The following CADPS2 variants were observed in gnomAD, a reference collection of about 807,000 sequenced individuals.
The protein encoded by CADPS2 is calcium-dependent secretion activator 2.
A neutral mutation model predicts 172.5 loss-of-function variants in CADPS2; 93 were observed. That is an observed-to-expected ratio of 0.54 (90% CI 0.46 to 0.64). CADPS2 has a LOEUF of 0.64. Ranked by LOEUF, CADPS2 falls within the 30% of genes least tolerant of loss-of-function variation. The probability of loss-of-function intolerance (pLI) is 0.00; values close to 1 mark genes in which losing one functional copy is unlikely to be tolerated. For synonymous variants in CADPS2, 546 were observed against 555.2 expected, an observed-to-expected ratio of 0.98 and a Z score of 0.23; for missense variants, 1,420 against 1,565.9, an observed-to-expected ratio of 0.91 and a Z score of 1.57.
chr7:122,618,443 A>G (rs978250149), intron 5 of CADPS2, among the ~76,000 whole-genome samples: 2 of 151,882 alleles, frequency 1.3e-5, no homozygotes, highest in Non-Finnish European at 2.9e-5. Context: ...TAACTGAACT[A>G]TATGTTAGTT....
chr7:122,679,264 C>CGGGG (rs750714333), intron 2 of CADPS2, among the ~76,000 whole-genome samples: 2 of 14,732 alleles, frequency 1.4e-4, no homozygotes, highest in Non-Finnish European at 1.9e-4. Flanking sequence ...GAATGCATTC[C>CGGGG]TGGGGGGGGG....
intron 2 of CADPS2, among the ~76,000 whole-genome samples, chr7:122,674,641 C>T (rs970068678): frequency 5.9e-5 from 9 of 152,208 alleles, no homozygotes; most frequent in Non-Finnish European, 1.2e-4. Context: ...TCCACAGAAG[C>T]CCTTATTGTT....
intron 17 of CADPS2, among the ~76,000 whole-genome samples, chr7:122,417,699 A>T (rs1399040694): frequency 6.6e-6 from 1 of 152,200 alleles, no homozygotes; most frequent in Admixed American, 6.5e-5. Context: ...CACCTAGGAA[A>T]AGTTTGGAAG....
In CADPS2 at chr7:122,388,501, C is replaced by G; in HGVS notation, c.3164+82G>C. ...GTGCATAATGAAACCTTTGCTGTGA[C>G]AATAATATATTAGGTACTTGATAAA... On this transcript the variant is annotated intron_variant, in intron 23 of 29. Transcript: ENST00000449022. 4 of 1,323,650 alleles carry G rather than the reference C, an allele frequency of 3.0e-6. No individual in the cohort carries two copies. The South Asian group carries it at 7.7e-5, about 25-fold the overall frequency. The allele number at this position is 1,323,650 out of a possible 1,614,324, so 82.0% of individuals were successfully genotyped here. A position where few individuals can be genotyped will look rare whatever the true frequency, so the allele number is the denominator to read the frequency against.
intron 7 of CADPS2, among the ~76,000 whole-genome samples, chr7:122,579,466 T>C (rs1179357942): frequency 6.8e-6 from 1 of 147,092 alleles, no homozygotes; most frequent in Non-Finnish European, 1.5e-5. Flanking sequence ...TATATATATA[T>C]ATATATATAT....
intron 2 of CADPS2, chr7:122,698,925 C>T (rs2085592906): frequency 1.9e-6 from 3 of 1,552,114 alleles, no homozygotes; most frequent in Non-Finnish European, 8.7e-7. Flanking sequence ...GCATCTCTCT[C>T]TTCTCCGAGT....
At chr7:122,405,658 C>T (rs889892145) in intron 20 of CADPS2, among the ~76,000 whole-genome samples, 1 of 118,588 alleles carries the variant, frequency 8.4e-6, no homozygotes, top group East Asian at 2.4e-4. Context: ...AGCTCTGTCT[C>T]AAACAAAACA....
At chr7:122,536,059 T>C (rs2131442116) in intron 8 of CADPS2, among the ~76,000 whole-genome samples, 2 of 152,214 alleles carry the variant, frequency 1.3e-5, no homozygotes, top group East Asian at 3.9e-4. Context: ...AAATTGCCTT[T>C]TGTAATTGGG....
intron 3 of CADPS2, among the ~76,000 whole-genome samples, chr7:122,649,735 C>T (rs572158689): frequency 6.6e-6 from 1 of 152,174 alleles, no homozygotes; most frequent in East Asian, 1.9e-4. Flanking sequence ...ACATTTCATA[C>T]ATCTATATGA....
At chr7:122,565,246 T>C (rs1203829751) in intron 7 of CADPS2, among the ~76,000 whole-genome samples, 1 of 151,548 alleles carries the variant, frequency 6.6e-6, no homozygotes, top group Non-Finnish European at 1.5e-5. Flanking sequence ...AAAAAAAAAC[T>C]TCCCAATTTG....
In CADPS2 at chr7:122,634,657, T is replaced by C. The variant is rs145741337; in HGVS notation, c.787-5329A>G. 1.8e-3 allele frequency among the ~76,000 whole-genome samples: 274 copies of C among 152,296 alleles called. 3 individuals carry two copies. Among genetic ancestry groups the C allele is most frequent in the African/African-American group, 6.3e-3 (261 of 41,574 alleles). On this transcript the variant is annotated intron_variant, in intron 3 of 29. Coordinates refer to ENST00000449022, the MANE Select transcript of CADPS2 (RefSeq NM_017954.11). ...TTTTGTATGAACTTTTACATGTCAA[T>C]TTCATTCAGTTCTTTGCTGATTTTA...
intron 5 of CADPS2, among the ~76,000 whole-genome samples, chr7:122,620,431 T>C (rs921446579): frequency 6.6e-6 from 1 of 152,154 alleles, no homozygotes; most frequent in African/African-American, 2.4e-5. Context: ...TGTGTGTGTG[T>C]ATGTGTGTAT....
chr7:122,435,723 T>C (rs1441549235), intron 17 of CADPS2, among the ~76,000 whole-genome samples: 2 of 152,154 alleles, frequency 1.3e-5, no homozygotes, highest in African/African-American at 4.8e-5. Flanking sequence ...TGCTCTCCCA[T>C]GTTCATTGCA....
intron 2 of CADPS2, among the ~76,000 whole-genome samples, chr7:122,675,933 G>A (rs931995260): frequency 1.1e-4 from 16 of 152,014 alleles, no homozygotes; most frequent in Admixed American, 3.3e-4. Flanking sequence ...GCACATGCAC[G>A]CCCATGCAAC....
At chr7:122,732,832 T>G (rs972298177) in intron 2 of CADPS2, among the ~76,000 whole-genome samples, 2 of 143,592 alleles carry the variant, frequency 1.4e-5, no homozygotes, top group Non-Finnish European at 3.0e-5. Context: ...TTATATATAA[T>G]ATACATTATA....
chr7:122,816,002 T>C (rs922780497), intron 1 of CADPS2, among the ~76,000 whole-genome samples: 2 of 152,216 alleles, frequency 1.3e-5, no homozygotes, highest in South Asian at 4.1e-4. Flanking sequence ...CTCAGGTATT[T>C]ATCATTTTTT....
chr7:122,821,493 C>A (rs564474348), intron 1 of CADPS2, among the ~76,000 whole-genome samples: 4 of 152,234 alleles, frequency 2.6e-5, no homozygotes, highest in African/African-American at 9.6e-5. Flanking sequence ...CTCAACATGC[C>A]CTGAGTCAGG....
chr7:122,555,698 T>C (rs1438998393), intron 7 of CADPS2, among the ~76,000 whole-genome samples: 1 of 152,118 alleles, frequency 6.6e-6, no homozygotes, highest in Non-Finnish European at 1.5e-5. Flanking sequence ...TGAAATTTCT[T>C]TGTAATACTG....
intron 2 of CADPS2, among the ~76,000 whole-genome samples, chr7:122,732,390 G>A (rs2137568237): frequency 6.6e-6 from 1 of 150,868 alleles, no homozygotes; most frequent in South Asian, 2.1e-4. Context: ...CTACAATCAA[G>A]ATGGAAAAGG....
Sources: allele counts gnomAD v4.1 joint callset (sites outside exome capture counted in the v4.1 genomes callset), GRCh38; gene constraint gnomAD v4.1.1; transcripts MANE v1.5; gene names NCBI Gene and HGNC (gene_info 2026-07-23, HGNC 2026-07-21).